Variants in PIK3R1 observed in about 807,000 individuals in gnomAD.
PIK3R1 encodes phosphatidylinositol 3-kinase regulatory subunit alpha.
A neutral mutation model predicts 98.0 loss-of-function variants in PIK3R1; 29 were observed. The ratio of observed to expected loss-of-function variants is 0.30; its 90% CI spans 0.22 to 0.40. The LOEUF is 0.40. PIK3R1 is among the 10% of genes least tolerant of loss of function. The probability of loss-of-function intolerance (pLI) is 1.00; values close to 1 mark genes in which losing one functional copy is unlikely to be tolerated. For synonymous variants in PIK3R1, 282 were observed against 311.8 expected, an observed-to-expected ratio of 0.90 and a Z score of 1.01; for missense variants, 596 against 872.7, an observed-to-expected ratio of 0.68 and a Z score of 3.99.
intron 2 of PIK3R1, among the ~76,000 whole-genome samples, chr5:68,240,377 C>T (rs1580189106): frequency 6.6e-6 from 1 of 152,172 alleles, no homozygotes; most frequent in Non-Finnish European, 1.5e-5. Flanking sequence ...TCTAATCTTC[C>T]CCTTAGGGGA....
In PIK3R1 at chr5:68,293,048, A is replaced by C. The variant is rs780280511; in HGVS notation, c.1020-53A>C. 2.8e-6 allele frequency: 4 copies of C among 1,421,428 alleles called. No individual in the cohort carries two copies. The African/African-American group carries it at 5.7e-5, about 20-fold the overall frequency. 88.1% of individuals were successfully genotyped at this position (1,421,428 alleles called of 1,614,324 possible). Reference sequence around the variant, plus strand: ...AAAATAGCCTATTTTAAAAAATATAAATCTGTGGTCACTAAACCTTAAGAT... The same window carrying C: ...AAAATAGCCTATTTTAAAAAATATACATCTGTGGTCACTAAACCTTAAGAT... On this transcript the variant is annotated intron_variant, in intron 8 of 15. Transcript: ENST00000521381.
chr5:68,296,785 T>G (rs1747737861), intron 15 of PIK3R1, among the ~76,000 whole-genome samples: 2 of 152,172 alleles, frequency 1.3e-5, no homozygotes, highest in Admixed American at 1.3e-4. Context: ...ATCCTTGAGA[T>G]AGGTACACCC....
intron 1 of PIK3R1, among the ~76,000 whole-genome samples, chr5:68,219,454 T>G (rs756911193): frequency 2.6e-5 from 4 of 152,182 alleles, no homozygotes; most frequent in Non-Finnish European, 5.9e-5. Flanking sequence ...TCCCCGGATG[T>G]CCCAGTGTCC....
intron 2 of PIK3R1, among the ~76,000 whole-genome samples, chr5:68,251,106 G>T (rs1745289045): frequency 6.6e-6 from 1 of 152,170 alleles, no homozygotes; most frequent in South Asian, 2.1e-4. Context: ...ATGGGTTACT[G>T]CCACCGCTTT....
chr5:68,288,913 C>T (rs1172830580), intron 7 of PIK3R1, among the ~76,000 whole-genome samples: 2 of 151,998 alleles, frequency 1.3e-5, no homozygotes, highest in Non-Finnish European at 2.9e-5. Flanking sequence ...TCGAGGGGGA[C>T]AGTGGCTGGG....
Position 68,296,175 on chromosome 5 carries a change from T to C in PIK3R1, c.1819T>C (p.Tyr607His). 2 of 1,614,072 alleles carry C rather than the reference T, an allele frequency of 1.2e-6. No individual in the cohort carries two copies. The highest frequency in any genetic ancestry group is 1.7e-6 in the Non-Finnish European group (2 of 1,179,972). The change falls in exon 15 of 16, where the codon TAT becomes CAT. Residue 607 changes from tyrosine (Y) to histidine (H), a missense_variant. Physicochemically the swap from Tyr to His is moderately conservative, Grantham distance 83 (BLOSUM62 2). Transcript: ENST00000521381. ...CTTTCTGTCCTGCCTGCCTAGCCAATATTCACTGGTGGAAGATGATGAAGA... is the reference window on the plus strand; with the variant it reads ...CTTTCTGTCCTGCCTGCCTAGCCAACATTCACTGGTGGAAGATGATGAAGA... The part of the protein sequence containing the change: ...WLGNENTEDQ[Y>H]SLVEDDEDLP...
intron 2 of PIK3R1, among the ~76,000 whole-genome samples, chr5:68,236,336 G>A (rs1306540949): frequency 6.6e-6 from 1 of 151,772 alleles, no homozygotes; most frequent in Non-Finnish European, 1.5e-5. Flanking sequence ...TGCAAGCTCC[G>A]CCTCCTGGGT....
intron 4 of PIK3R1, among the ~76,000 whole-genome samples, chr5:68,278,198 G>A (rs200075705): frequency 2.0e-5 from 3 of 151,952 alleles, no homozygotes; most frequent in South Asian, 2.1e-4. Context: ...TTATTGGATT[G>A]CTTGACCTGT....
At chr5:68,281,397 T>C (rs1746830271) in intron 7 of PIK3R1, among the ~76,000 whole-genome samples, 1 of 152,212 alleles carries the variant, frequency 6.6e-6, no homozygotes, top group Non-Finnish European at 1.5e-5. Flanking sequence ...AGAATGTGTT[T>C]TTTGGAAGTG....
chr5:68,283,860 G>C (rs1444636459), intron 7 of PIK3R1, among the ~76,000 whole-genome samples: 1 of 152,188 alleles, frequency 6.6e-6, no homozygotes, highest in Non-Finnish European at 1.5e-5. Context: ...GAGCAATGAG[G>C]CTGCTTTTAG....
At chr5:68,258,944 AGACCCTCTTATTT>A (rs959870337) in intron 2 of PIK3R1, among the ~76,000 whole-genome samples, 2 of 152,250 alleles carry the variant, frequency 1.3e-5, no homozygotes, top group Admixed American at 1.3e-4. Context: ...AAAAGGACAC[AGACCCTCTTATTT>A]GACCCTCTTA....
chr5:68,242,526 AAATGCT>A (rs1295888106), intron 2 of PIK3R1, among the ~76,000 whole-genome samples: 1 of 152,204 alleles, frequency 6.6e-6, no homozygotes, highest in African/African-American at 2.4e-5. Context: ...ATAGGAACTC[AAATGCT>A]TTCCCAGGCT....
At chr5:68,290,121 TGTG>T (rs1747307688) in intron 7 of PIK3R1, among the ~76,000 whole-genome samples, 1 of 152,248 alleles carries the variant, frequency 6.6e-6, no homozygotes, top group African/African-American at 2.4e-5. Context: ...TCCTTTCTAA[TGTG>T]GTACATTTGT....
chr5:68,288,756 G>A, intron 7 of PIK3R1: 7 of 1,613,654 alleles, frequency 4.3e-6, no homozygotes, highest in Non-Finnish European at 5.9e-6. Context: ...TGCAAAGTAA[G>A]TTGCCTTGAA....
In PIK3R1 at chr5:68,299,411, AATC is replaced by A. The variant is rs146378195; in HGVS notation, c.*1813_*1815del. The A allele has an allele frequency of 2.7e-3, 622 of 233,094 alleles. 4 individuals carry two copies. The highest frequency in any genetic ancestry group is 0.013 in the African/African-American group (584 of 45,392). The allele number at this position is 233,094 out of a possible 1,614,324, so 14.4% of individuals were successfully genotyped here. A position where few individuals can be genotyped will look rare whatever the true frequency, so the allele number is the denominator to read the frequency against. On this transcript the variant is annotated 3_prime_UTR_variant, in exon 16 of 16. Transcript: ENST00000521381. ...AGTGGCAGTCCTTCTCATTCATTCT[AATC>A]ATTGTATGTGCTTCACTACGGGGGG...
rs1748113285 is a variant in PIK3R1 at position 68,301,669 on chromosome 5, C to T, written c.*4068C>T. The T allele has an allele frequency of 7.2e-6, 1 of 138,582 alleles. No individual in the cohort carries two copies. The highest frequency in any genetic ancestry group is 9.8e-5 in the Admixed American group (1 of 10,158). 8.6% of individuals were successfully genotyped at this position (138,582 alleles called of 1,614,324 possible). A position where few individuals can be genotyped will look rare whatever the true frequency, so the allele number is the denominator to read the frequency against. On this transcript the variant is annotated 3_prime_UTR_variant, in exon 16 of 16. Coordinates refer to ENST00000521381, the MANE Select transcript of PIK3R1 (RefSeq NM_181523.3). ...ATGTCACGGTCAGTTGTAACTTTGC[C>T]TTCACAAGGCAACTGGGGTGGGGGG...
At chr5:68,288,207 C>T (rs1747162517) in intron 7 of PIK3R1, among the ~76,000 whole-genome samples, 1 of 152,288 alleles carries the variant, frequency 6.6e-6, no homozygotes, top group African/African-American at 2.4e-5. Flanking sequence ...TTTTAGGTCC[C>T]CTCACAATGG....
At chr5:68,269,357 TA>T (rs907964797) in intron 2 of PIK3R1, among the ~76,000 whole-genome samples, 4 of 152,234 alleles carry the variant, frequency 2.6e-5, no homozygotes, top group Non-Finnish European at 4.4e-5. Flanking sequence ...TATTCAGGTA[TA>T]AAAATCAAAA....
intron 2 of PIK3R1, among the ~76,000 whole-genome samples, chr5:68,267,356 A>G (rs1345227833): frequency 6.6e-6 from 1 of 152,202 alleles, no homozygotes; most frequent in Non-Finnish European, 1.5e-5. Flanking sequence ...TTTCTATACC[A>G]GTCTGTTGTC....
Sources: gnomAD v4.1 joint callset for allele counts (sites outside exome capture counted in the v4.1 genomes callset) on GRCh38, gnomAD v4.1.1 for gene constraint, MANE v1.5 for transcripts, NCBI Gene and HGNC (gene_info 2026-07-23, HGNC 2026-07-21) for gene names.